PCNX2: variants seen among roughly 807,000 people sequenced by gnomAD.
PCNX2 encodes pecanex-like protein 2.
In PCNX2, 168 loss-of-function variants were observed where a neutral mutation model predicts 223.8. That is an observed-to-expected ratio of 0.75 (90% CI 0.66 to 0.85). The LOEUF is 0.85. PCNX2 is among the 40% of genes least tolerant of loss of function. PCNX2 has a pLI of 0.00. For missense variants in PCNX2, 2,507 were observed against 2,675.5 expected (o/e 0.94, Z 1.39); for synonymous variants, 1,006 against 1,052.6 (o/e 0.96, Z 0.86).
chr1:233,153,547 T>C (rs1417921530), intron 19 of PCNX2, among the ~76,000 whole-genome samples: 5 of 152,170 alleles, frequency 3.3e-5, no homozygotes, highest in African/African-American at 1.2e-4. Context: ...GTTCAACAAA[T>C]ATATTAAAAC....
At chr1:233,097,668 C>G (rs1674255010) in intron 21 of PCNX2, among the ~76,000 whole-genome samples, 1 of 152,158 alleles carries the variant, frequency 6.6e-6, no homozygotes, top group African/African-American at 2.4e-5. Context: ...CTCTGTCAAC[C>G]TGAGGTCCAG....
intron 17 of PCNX2, among the ~76,000 whole-genome samples, chr1:233,162,645 A>ATTG (rs1369338200): frequency 6.6e-6 from 1 of 152,160 alleles, no homozygotes; most frequent in Non-Finnish European, 1.5e-5. Context: ...CAGGCCATAT[A>ATTG]TTGCTTCCTA....
chr1:233,009,086 AG>A (rs1670378504), intron 28 of PCNX2, among the ~76,000 whole-genome samples: 1 of 152,164 alleles, frequency 6.6e-6, no homozygotes, highest in Non-Finnish European at 1.5e-5. Context: ...CTCTATGGTG[AG>A]ACTCGCACAA....
rs1347350753 is a variant in PCNX2, at chr1:233,227,291, G to T, written c.2439C>A (p.Ile813=). ...KFNREQFYKF[I]IFPGKWIKVW... ...CTTTAATCCACTTGCCAGGGAAAAT[G>T]ATAAATTTGTAAAACTGCTCTCGGT... The change falls in exon 10 of 34, where the codon ATC becomes ATA. Residue 813 remains isoleucine (I), a synonymous_variant. Transcript: ENST00000258229. 1.2e-6 allele frequency: 2 copies of T among 1,613,328 alleles called. No individual in the cohort carries two copies. Among genetic ancestry groups the T allele is most frequent in the African/African-American group, 2.7e-5 (2 of 74,870 alleles).
rs1677005359 is a variant in PCNX2, at chr1:233,139,823, A to G, written c.3550T>C (p.Tyr1184His). The G allele has an allele frequency of 3.1e-6, 5 of 1,613,476 alleles. No individual in the cohort carries two copies. In the South Asian group the frequency reaches 4.4e-5, roughly 14 times the overall value. Residue 1184 changes from tyrosine to histidine, a missense_variant, in exon 20 of 34, where the codon TAT (tyrosine) becomes CAT (histidine). Physicochemically the swap from Tyr to His is moderately conservative, Grantham distance 83. This residue lies in a region of PCNX2 where 1,372 missense variants were observed against 1,509.4 expected (regional missense o/e 0.91). Transcript: ENST00000258229. This position sits in a 1 kb window ranked among gnomAD's most constrained non-coding sequence, Gnocchi z 4.4. ...TTTTCAAAACACTGAAGCCAAACAT[A>G]GAGTCTTTCGAACCACATTAAATGG... ...VAHLMWFERL[Y>H]VWLQCFEKYI... is the part of the protein sequence containing the mutation.
intron 8 of PCNX2, among the ~76,000 whole-genome samples, chr1:233,244,513 C>G (rs1261245316): frequency 6.6e-6 from 1 of 152,030 alleles, no homozygotes. Context: ...GAGTTCGAGA[C>G]CAGCCTAGCC....
intron 23 of PCNX2, among the ~76,000 whole-genome samples, chr1:233,080,401 A>C (rs28583949): frequency 1.3e-3 from 183 of 140,574 alleles, no homozygotes; most frequent in African/African-American, 3.5e-3. Context: ...CACACACACA[A>C]ACACACACAC....
At chr1:233,008,796 G>A (rs1342998315) in intron 28 of PCNX2, among the ~76,000 whole-genome samples, 1 of 152,198 alleles carries the variant, frequency 6.6e-6, no homozygotes, top group African/African-American at 2.4e-5. Flanking sequence ...CATCCCTGAG[G>A]TCAGGCCACC....
chr1:232,993,136 A>C (rs1243034829), intron 32 of PCNX2, among the ~76,000 whole-genome samples: 3 of 152,218 alleles, frequency 2.0e-5, no homozygotes, highest in Non-Finnish European at 4.4e-5. Flanking sequence ...AACAGTTTGG[A>C]GGGCTCAGAA....
intron 28 of PCNX2, among the ~76,000 whole-genome samples, chr1:233,004,233 T>TA (rs1356864900): frequency 6.6e-6 from 1 of 152,048 alleles, no homozygotes; most frequent in African/African-American, 2.4e-5. Context: ...TGTATTTTTT[T>TA]AAAAAAGAGG....
intron 19 of PCNX2, among the ~76,000 whole-genome samples, chr1:233,141,127 A>G (rs1030385387): frequency 6.6e-6 from 1 of 152,192 alleles, no homozygotes; most frequent in African/African-American, 2.4e-5. Flanking sequence ...ACAACTCACA[A>G]AAGAGAAAAA....
intron 25 of PCNX2, among the ~76,000 whole-genome samples, chr1:233,046,396 G>A (rs1428199180): frequency 6.6e-6 from 1 of 152,150 alleles, no homozygotes; most frequent in East Asian, 1.9e-4. Flanking sequence ...ACTATATGTT[G>A]CAAAGAGACA....
chr1:233,263,870 G>GA (rs1660190973), intron 1 of PCNX2, among the ~76,000 whole-genome samples: 1 of 152,062 alleles, frequency 6.6e-6, no homozygotes, highest in African/African-American at 2.4e-5. Flanking sequence ...AAAGCCTTGT[G>GA]GAGAACAGAA....
intron 26 of PCNX2, among the ~76,000 whole-genome samples, chr1:233,021,954 C>T (rs1289374745): frequency 6.6e-6 from 1 of 152,170 alleles, no homozygotes; most frequent in Non-Finnish European, 1.5e-5. Context: ...TCAAAAAGCT[C>T]GTCCAATCAT....
intron 28 of PCNX2, among the ~76,000 whole-genome samples, chr1:233,003,990 C>G (rs112519358): frequency 0.01 from 1,572 of 151,942 alleles, 30 homozygotes; most frequent in African/African-American, 0.034. Flanking sequence ...CATCACACAC[C>G]GGGGCCTGTT....
At chr1:233,186,874 T>C (rs1261090570) in intron 15 of PCNX2, among the ~76,000 whole-genome samples, 1 of 151,996 alleles carries the variant, frequency 6.6e-6, no homozygotes, top group Admixed American at 6.5e-5. Flanking sequence ...GCTACATGGA[T>C]AAATACATAG....
At chr1:233,304,964 CAG>C in the PCNX2 span, among the ~76,000 whole-genome samples, 361 of 151,986 alleles carry the variant, frequency 2.4e-3, 3 homozygotes, top group Admixed American at 5.7e-3. Context: ...TCCTGAATAA[CAG>C]AATAGAAATA....
chr1:232,987,619 A>G (rs1358665319), intron 32 of PCNX2, among the ~76,000 whole-genome samples: 1 of 152,178 alleles, frequency 6.6e-6, no homozygotes, highest in Non-Finnish European at 1.5e-5. Context: ...CCTCACCCCA[A>G]ATGCCCATTA....
At chr1:233,306,339 A>G in the PCNX2 span, among the ~76,000 whole-genome samples, 3 of 152,226 alleles carry the variant, frequency 2.0e-5, no homozygotes, top group African/African-American at 7.2e-5. Context: ...CTGACTTTCA[A>G]TAATGGATCA....
Sources: gnomAD v4.1 joint callset for allele counts (sites outside exome capture counted in the v4.1 genomes callset) on GRCh38, gnomAD v4.1.1 for gene constraint, gnomAD v4.1.1 regional missense constraint, Gnocchi (gnomAD v3.1) non-coding constraint, MANE v1.5 for transcripts, NCBI Gene and HGNC (gene_info 2026-07-23, HGNC 2026-07-21) for gene names.